The following ARHGAP12 variants were observed in gnomAD, a reference collection of about 807,000 sequenced individuals.
ARHGAP12 encodes the protein Rho GTPase activating protein 12.
A neutral mutation model predicts 108.6 loss-of-function variants in ARHGAP12; 64 were observed. The observed-to-expected ratio is 0.59, with a 90% CI of 0.48 to 0.73. ARHGAP12 has a LOEUF of 0.73. ARHGAP12 is among the 30% of genes least tolerant of loss of function. The pLI, the probability that ARHGAP12 is intolerant of heterozygous loss-of-function variation, is 0.00. For synonymous variants in ARHGAP12, 312 were observed against 337.2 expected (o/e 0.93, Z 0.82); for missense variants, 940 against 1,005.9 (o/e 0.93, Z 0.89).
chr10:31,888,560 T>C (rs1040157440), intron 3 of ARHGAP12, among the ~76,000 whole-genome samples: 3 of 152,184 alleles, frequency 2.0e-5, no homozygotes, highest in African/African-American at 7.2e-5. Context: ...AAAAGAATCC[T>C]GACAGTGAAC....
rs1261825455 is a variant in ARHGAP12 at position 31,908,881 on chromosome 10, G to C, written c.-26C>G. On this transcript the variant is annotated 5_prime_UTR_variant, in exon 3 of 20. The change creates a new upstream start codon in the 5' untranslated region. Coordinates refer to ENST00000344936, the MANE Select transcript of ARHGAP12 (RefSeq NM_018287.7). ...TCAATAATATTCACCTCTCAAAAAG[G>C]ATGTTATACCACATTATGGCTTTAT... 6.5e-7 allele frequency: 1 copy of C among 1,547,056 alleles called. No homozygotes were observed. The highest frequency in any genetic ancestry group is 1.2e-5 in the South Asian group (1 of 81,824).
At chr10:31,895,863 C>A in intron 3 of ARHGAP12, among the ~76,000 whole-genome samples, 1 of 152,072 alleles carries the variant, frequency 6.6e-6, no homozygotes, top group Admixed American at 6.6e-5. Flanking sequence ...TGATAGACTG[C>A]ATTAAGAAAA....
At position 31,908,333 on chromosome 10, in the gene ARHGAP12, G is replaced by A. The variant is rs1195703426; in HGVS notation, c.523C>T (p.Arg175Cys). The change falls in exon 3 of 20, where the codon CGC becomes TGC. Residue 175 changes from arginine to cysteine, a missense_variant. Arg to Cys is a radical substitution (Grantham distance 180). Transcript: ENST00000344936. Reference protein sequence around the residue: ...SPKVSSQNRTRSFGHFPGPEF... With the variant: ...SPKVSSQNRTCSFGHFPGPEF... ...GGACCGGGAAAATGACCAAATGAGC[G>A]TGTCCTATTCTGGCTGGAAACTTTA... 6.2e-6 allele frequency: 10 copies of A among 1,614,102 alleles called. No individual in the cohort carries two copies. The highest frequency in any genetic ancestry group is 8.5e-6 in the Non-Finnish European group (10 of 1,180,000).
rs546036713 is a variant in ARHGAP12, at chr10:31,928,753, G to A, written c.-181C>T. ...CCCCGCGGCTGCGGGTCGACGACGC[G>A]AGCCCGAAGAGCGTTCACACGGCTA... On this transcript the variant is annotated 5_prime_UTR_variant, in exon 1 of 20. Transcript: ENST00000344936. The A allele has an allele frequency of 5.9e-3, 892 of 151,948 alleles. 6 individuals carry two copies. The highest frequency in any genetic ancestry group is 8.4e-3 in the Admixed American group (129 of 15,274). The allele number at this position is 151,948 out of a possible 1,614,324, so 9.4% of individuals were successfully genotyped here. A position where few individuals can be genotyped will look rare whatever the true frequency, so the allele number is the denominator to read the frequency against.
intron 12 of ARHGAP12, 115 bp downstream of exon 12, chr10:31,820,272 A>G: frequency 2.9e-6 from 2 of 700,652 alleles, no homozygotes; most frequent in Non-Finnish European, 4.3e-6. Context: ...TAACTTAATC[A>G]CCAACTTTGC....
chr10:31,894,090 A>C (rs1838572513), intron 3 of ARHGAP12, among the ~76,000 whole-genome samples: 1 of 152,196 alleles, frequency 6.6e-6, no homozygotes, highest in Non-Finnish European at 1.5e-5. Context: ...TATTGATGGG[A>C]TGTATCTCAA....
chr10:31,895,999 A>G (rs1838671581), intron 3 of ARHGAP12, among the ~76,000 whole-genome samples: 1 of 152,122 alleles, frequency 6.6e-6, no homozygotes, highest in African/African-American at 2.4e-5. Context: ...ACAAAAAACC[A>G]AACACCGCAT....
intron 3 of ARHGAP12, among the ~76,000 whole-genome samples, chr10:31,862,705 GACACA>G (rs1837165755): frequency 7.5e-6 from 1 of 133,096 alleles, no homozygotes; most frequent in African/African-American, 2.9e-5. Flanking sequence ...TGCACACACA[GACACA>G]CACACACACA....
Position 31,828,822 on chromosome 10 carries a change from CA to C in ARHGAP12, c.1449-2438del, listed in dbSNP as rs543048843. ...AAATAAATGAAGTTTTCAAAGAAAA[CA>C]AATAATATTATTTATAGACAACAAA... On this transcript the variant is annotated intron_variant, in intron 10 of 19. Coordinates refer to ENST00000344936, the MANE Select transcript of ARHGAP12 (RefSeq NM_018287.7). Among the ~76,000 whole-genome samples the C allele has an allele frequency of 1.2e-3, 186 of 152,062 alleles. 1 individual carries two copies. In the Middle Eastern group the frequency reaches 0.017, roughly 14 times the overall value.
At position 31,906,458 on chromosome 10, in the gene ARHGAP12, C is replaced by T. The variant is rs370149384; in HGVS notation, c.684+1714G>A. 4.6e-5 allele frequency among the ~76,000 whole-genome samples: 7 copies of T among 152,280 alleles called. No homozygotes were observed. The East Asian group carries it at 1.3e-3, about 29-fold the overall frequency. On this transcript the variant is annotated intron_variant, in intron 3 of 19. Coordinates refer to ENST00000344936, the MANE Select transcript of ARHGAP12 (RefSeq NM_018287.7). Reference sequence around the variant, plus strand: ...ACACAGATGGCAAGTGATACAGAACCAGATTCCAATCTAAAGCCAGTACTA... The same window carrying T: ...ACACAGATGGCAAGTGATACAGAACTAGATTCCAATCTAAAGCCAGTACTA...
chr10:31,845,652 G>A (rs1388388886), intron 6 of ARHGAP12, among the ~76,000 whole-genome samples: 2 of 152,106 alleles, frequency 1.3e-5, no homozygotes. Context: ...AGGTTTGGTG[G>A]TGCATTGCTA....
At chr10:31,913,033 G>GCCATGTGT (rs1461692965) in intron 1 of ARHGAP12, 1 of 152,206 alleles carries the variant, frequency 6.6e-6, no homozygotes, top group East Asian at 1.9e-4. Context: ...TTGATATAAT[G>GCCATGTGT]CCATGTGTCG....
chr10:31,912,803 A>G (rs1839405043), intron 1 of ARHGAP12, among the ~76,000 whole-genome samples: 1 of 152,168 alleles, frequency 6.6e-6, no homozygotes, highest in Non-Finnish European at 1.5e-5. Flanking sequence ...AATTATAAAC[A>G]TGCAGAAAGC....
intron 15 of ARHGAP12, 40 bp from the exon 16 acceptor site, chr10:31,810,787 G>C: frequency 6.8e-7 from 1 of 1,475,524 alleles, no homozygotes; most frequent in South Asian, 1.2e-5. Context: ...TCACCTTGCT[G>C]AAATTCAGTT....
chr10:31,859,996 G>A (rs550122693), intron 4 of ARHGAP12, among the ~76,000 whole-genome samples: 1 of 152,096 alleles, frequency 6.6e-6, no homozygotes, highest in Non-Finnish European at 1.5e-5. Context: ...TGTCCAGGCT[G>A]GTTTCGAACT....
chr10:31,917,835 T>C (rs1839626048), intron 1 of ARHGAP12, among the ~76,000 whole-genome samples: 1 of 152,190 alleles, frequency 6.6e-6, no homozygotes, highest in Non-Finnish European at 1.5e-5. Flanking sequence ...TCAAGAGTCA[T>C]GGTGGGCAAA....
chr10:31,928,529 T>A (rs1485390277), intron 1 of ARHGAP12, among the ~76,000 whole-genome samples, 154 bp downstream of exon 1: 1 of 143,418 alleles, frequency 7.0e-6, no homozygotes, highest in South Asian at 2.2e-4. Context: ...TGCGCGCACC[T>A]CCGCGGCGCC....
intron 3 of ARHGAP12, among the ~76,000 whole-genome samples, chr10:31,898,971 A>G (rs1838817071): frequency 6.6e-6 from 1 of 152,262 alleles, no homozygotes; most frequent in Admixed American, 6.5e-5. Context: ...AAACAATAGA[A>G]TATTATTCCA....
Position 31,810,677 on chromosome 10 carries a change from C to T in ARHGAP12, c.2022G>A (p.Lys674=), listed in dbSNP as rs758774193. The change falls in exon 16 of 20, where the codon AAG becomes AAA. Residue 674 remains lysine (K), a synonymous_variant. Transcript: ENST00000344936. ...GTTCTTCAACATGTTCAATACATAA[C>T]TTCACAAACTTTGGTACTGTGCCAT... The part of the protein sequence containing the change: ...RENGTVPKFV[K]LCIEHVEEHG... The T allele has an allele frequency of 4.4e-6, 7 of 1,604,180 alleles. No homozygotes were observed. In the East Asian group the frequency reaches 1.4e-4, roughly 31 times the overall value.
Sources: gnomAD v4.1 joint callset for allele counts (sites outside exome capture counted in the v4.1 genomes callset) on GRCh38, gnomAD v4.1.1 for gene constraint, MANE v1.5 for transcripts, NCBI Gene and HGNC (gene_info 2026-07-23, HGNC 2026-07-21) for gene names.